The following CACNG4 variants were observed in gnomAD, a reference collection of about 807,000 sequenced individuals.
The protein encoded by CACNG4 is calcium voltage-gated channel auxiliary subunit gamma 4.
A neutral mutation model predicts 22.9 loss-of-function variants in CACNG4; 8 were observed. That is an observed-to-expected ratio of 0.35 (90% CI 0.21 to 0.63). The LOEUF is 0.63. Ranked by LOEUF, CACNG4 falls within the 30% of genes least tolerant of loss-of-function variation. The pLI, the probability that CACNG4 is intolerant of heterozygous loss-of-function variation, is 0.72. For missense variants in CACNG4, 357 were observed against 455.4 expected (o/e 0.78, Z 1.97); for synonymous variants, 188 against 191.9 (o/e 0.98, Z 0.17).
chr17:66,967,763 G>A (rs1174786284), intron 1 of CACNG4, among the ~76,000 whole-genome samples: 1 of 152,224 alleles, frequency 6.6e-6, no homozygotes, highest in African/African-American at 2.4e-5. Context: ...GATAAAGGCA[G>A]AACTCTGAAG....
intron 1 of CACNG4, among the ~76,000 whole-genome samples, chr17:66,999,549 C>T (rs2035395368): frequency 6.6e-6 from 1 of 152,180 alleles, no homozygotes; most frequent in African/African-American, 2.4e-5. Context: ...CAGGCACCTT[C>T]TTCACAAGGC....
chr17:67,007,630 C>T (rs938379612), intron 1 of CACNG4, among the ~76,000 whole-genome samples: 1 of 152,150 alleles, frequency 6.6e-6, no homozygotes, highest in African/African-American at 2.4e-5. Flanking sequence ...ACTCAGGACT[C>T]TTTCTAAGCC....
chr17:67,022,288 T>C (rs967578935), intron 2 of CACNG4, among the ~76,000 whole-genome samples: 2 of 152,174 alleles, frequency 1.3e-5, no homozygotes, highest in African/African-American at 2.4e-5. Context: ...TTGGCCAGGC[T>C]GGTCTCAAAC....
At chr17:67,008,993 T>C (rs984537664) in intron 1 of CACNG4, among the ~76,000 whole-genome samples, 9 of 152,130 alleles carry the variant, frequency 5.9e-5, no homozygotes, top group African/African-American at 2.2e-4. Context: ...TAATCCAGTA[T>C]GACTGGGGCC....
intron 1 of CACNG4, among the ~76,000 whole-genome samples, chr17:66,995,799 A>C (rs1047247627): frequency 5.9e-5 from 9 of 152,090 alleles, no homozygotes; most frequent in African/African-American, 2.2e-4. Flanking sequence ...GCAGTGAGCC[A>C]AGATCGTGCC....
chr17:67,018,413 T>C (rs1398207938), intron 2 of CACNG4, 141 bp downstream of exon 2: 2 of 655,374 alleles, frequency 3.1e-6, no homozygotes, highest in Non-Finnish European at 5.4e-6. Flanking sequence ...TATTCAGACA[T>C]TGTGAGTTTG....
chr17:67,010,478 A>G (rs984838985), intron 1 of CACNG4, among the ~76,000 whole-genome samples: 3 of 152,198 alleles, frequency 2.0e-5, no homozygotes, highest in African/African-American at 7.2e-5. Context: ...GGCACTTAGT[A>G]ACAAAGGGTG....
chr17:66,977,689 CCT>C (rs2035246207), intron 1 of CACNG4, among the ~76,000 whole-genome samples: 2 of 152,212 alleles, frequency 1.3e-5, no homozygotes, highest in African/African-American at 4.8e-5. Context: ...CCAGACCTCA[CCT>C]CTCTCTTGTT....
At chr17:67,011,366 C>T (rs977389748) in intron 1 of CACNG4, among the ~76,000 whole-genome samples, 1 of 152,206 alleles carries the variant, frequency 6.6e-6, no homozygotes, top group Non-Finnish European at 1.5e-5. Context: ...ACACCTTCAT[C>T]ATCTCAGCTT....
intron 1 of CACNG4, among the ~76,000 whole-genome samples, chr17:67,016,437 G>A (rs2035498033): frequency 6.6e-6 from 1 of 152,102 alleles, no homozygotes; most frequent in Non-Finnish European, 1.5e-5. Flanking sequence ...GGGGCCCAAT[G>A]GAGGAAAGAG....
chr17:66,978,592 T>C (rs2035252277), intron 1 of CACNG4, among the ~76,000 whole-genome samples: 1 of 152,186 alleles, frequency 6.6e-6, no homozygotes. Flanking sequence ...GCCAAGGCCA[T>C]GTCACCAGCT....
At chr17:66,981,665 A>C (rs1361369903) in intron 1 of CACNG4, among the ~76,000 whole-genome samples, 3 of 152,176 alleles carry the variant, frequency 2.0e-5, no homozygotes, top group Non-Finnish European at 4.4e-5. Context: ...CGAGCCCGGC[A>C]AGGTCCCCTC....
At chr17:67,029,790 C>T (rs1479826969) in intron 3 of CACNG4, among the ~76,000 whole-genome samples, 1 of 152,186 alleles carries the variant, frequency 6.6e-6, no homozygotes, top group Non-Finnish European at 1.5e-5. Flanking sequence ...ACTCTCTGGA[C>T]CTGGCTACTG....
chr17:67,033,090 G>A lies in CACNG4; in HGVS notation c.*2086G>A, dbSNP rs1038732195. On this transcript the variant is annotated 3_prime_UTR_variant, in exon 4 of 4. Coordinates refer to ENST00000262138, the MANE Select transcript of CACNG4 (RefSeq NM_014405.4). Reference sequence around the variant, plus strand: ...GGGACCAAGAAAGAGTAGGAAGAAGGGGACGAGCCGGGAGCAAAACCACCT... The same window carrying A: ...GGGACCAAGAAAGAGTAGGAAGAAGAGGACGAGCCGGGAGCAAAACCACCT... The A allele has an allele frequency of 1.3e-5, 2 of 152,794 alleles. No homozygotes were observed. Among genetic ancestry groups the A allele is most frequent in the African/African-American group, 4.8e-5 (2 of 41,450 alleles). 9.5% of individuals were successfully genotyped at this position (152,794 alleles called of 1,614,324 possible). A position where few individuals can be genotyped will look rare whatever the true frequency, so the allele number is the denominator to read the frequency against.
At position 67,024,873 on chromosome 17, in the gene CACNG4, C is replaced by A; in HGVS notation, c.318C>A (p.Ala106=). 6.4e-7 allele frequency: 1 copy of A among 1,573,008 alleles called. No individual in the cohort carries two copies. The highest frequency in any genetic ancestry group is 1.2e-5 in the South Asian group (1 of 85,726). The change falls in exon 3 of 4, where the codon GCC becomes GCA. Residue 106 remains alanine, a synonymous_variant. Coordinates refer to ENST00000262138, the MANE Select transcript of CACNG4 (RefSeq NM_014405.4). ...CTCCCCGGCCAGGCATCGTGCGAGC[C>A]TCCAGCGTCTTCCCCATCCTCAGCA... ...SSEYLLRIVR[A]SSVFPILSTI... is the part of the protein sequence containing the mutation.
chr17:66,982,452 G>A (rs1363878211), intron 1 of CACNG4, among the ~76,000 whole-genome samples: 5 of 152,140 alleles, frequency 3.3e-5, no homozygotes, highest in African/African-American at 9.7e-5. Context: ...TAGCCACAGA[G>A]CGCTGATTGG....
At chr17:66,996,223 T>G (rs1008035801) in intron 1 of CACNG4, among the ~76,000 whole-genome samples, 1 of 150,872 alleles carries the variant, frequency 6.6e-6, no homozygotes, top group Non-Finnish European at 1.5e-5. Context: ...TCTTACTCGC[T>G]AGTGGTAAAG....
At chr17:67,009,127 C>A (rs956636908) in intron 1 of CACNG4, among the ~76,000 whole-genome samples, 3 of 152,112 alleles carry the variant, frequency 2.0e-5, no homozygotes, top group Admixed American at 2.0e-4. Context: ...CCAGCAAACA[C>A]CAGAAGCAAG....
chr17:67,017,078 GT>G (rs1159953716), intron 1 of CACNG4, among the ~76,000 whole-genome samples: 4 of 152,072 alleles, frequency 2.6e-5, no homozygotes, highest in African/African-American at 9.7e-5. Context: ...CATAACTGTG[GT>G]TTTTTGAGTT....
Sources: gnomAD v4.1 joint callset for allele counts (sites outside exome capture counted in the v4.1 genomes callset) on GRCh38, gnomAD v4.1.1 for gene constraint, MANE v1.5 for transcripts, NCBI Gene and HGNC (gene_info 2026-07-23, HGNC 2026-07-21) for gene names.